The following CEP126 variants were observed in gnomAD, a reference collection of about 807,000 sequenced individuals.
CEP126 encodes centrosomal protein of 126 kDa.
A neutral mutation model predicts 107.8 loss-of-function variants in CEP126; 74 were observed. The observed-to-expected ratio is 0.69, with a 90% confidence interval of 0.57 to 0.83. CEP126 has a LOEUF of 0.83. CEP126 is among the 40% of genes least tolerant of loss of function. The pLI is 0.00. For synonymous variants in CEP126, 449 were observed against 446.0 expected, an observed-to-expected ratio of 1.01 and a Z score of -0.08; for missense variants, 1,237 against 1,281.9, an observed-to-expected ratio of 0.96 and a Z score of 0.53.
intron 6 of CEP126, among the ~76,000 whole-genome samples, chr11:101,975,725 T>A (rs1258695319): frequency 6.6e-6 from 1 of 152,204 alleles, no homozygotes; most frequent in Non-Finnish European, 1.5e-5. Context: ...TTTCCAGTCC[T>A]CACTGTCCTC....
chr11:101,997,751 T>A lies in CEP126; in HGVS notation c.*108T>A. 1 of 1,484,684 alleles carries A rather than the reference T, an allele frequency of 6.7e-7. No individual in the cohort carries two copies. Among genetic ancestry groups the A allele is most frequent in the Non-Finnish European group, 9.3e-7 (1 of 1,080,132 alleles). The allele number at this position is 1,484,684 out of a possible 1,614,324, so 92.0% of individuals were successfully genotyped here. On this transcript the variant is annotated 3_prime_UTR_variant, in exon 11 of 11. Coordinates refer to ENST00000263468, the MANE Select transcript of CEP126 (RefSeq NM_020802.4). ...GAAAACATGTGAGCAACAACCCCCA[T>A]GAACATTTGTCCTAACTCAGATTTT...
At chr11:101,938,924 G>T (rs12281520) in intron 2 of CEP126, among the ~76,000 whole-genome samples, 7 of 151,434 alleles carry the variant, frequency 4.6e-5, no homozygotes, top group East Asian at 1.9e-4. Context: ...AATGTGTTTT[G>T]GTCAAAAACA....
At position 101,962,399 on chromosome 11, in the gene CEP126, C is replaced by T; in HGVS notation, c.1364C>T (p.Ser455Leu). The change falls in exon 6 of 11, where the codon TCA becomes TTA. Residue 455 changes from serine (S) to leucine (L), a missense_variant. Around this residue, in one of 3 missense-constraint regions of CEP126, gnomAD observed 1,134 missense variants for 1,150.5 expected, o/e 0.99. Coordinates refer to ENST00000263468, the MANE Select transcript of CEP126 (RefSeq NM_020802.4). ...QENGTTSIPT[S>L]CVPVATPLVL... is the part of the protein sequence containing the mutation. ...AATGGAACTACTTCAATTCCTACTT[C>T]ATGTGTACCAGTGGCAACGCCTTTA... 1.2e-6 allele frequency: 2 copies of T among 1,613,960 alleles called. No homozygotes were observed. Among genetic ancestry groups the T allele is most frequent in the Non-Finnish European group, 1.7e-6 (2 of 1,179,912 alleles).
chr11:101,971,648 C>T (rs1231466612), intron 6 of CEP126, among the ~76,000 whole-genome samples: 7 of 152,096 alleles, frequency 4.6e-5, no homozygotes. Flanking sequence ...CCTCAGCCTC[C>T]CAAGAAGCTG....
rs920410812 is a variant in CEP126 at position 101,961,633 on chromosome 11, T to C, written c.706-108T>C. On this transcript the variant is annotated intron_variant, in intron 5 of 10. Coordinates refer to ENST00000263468, the MANE Select transcript of CEP126 (RefSeq NM_020802.4). ...ATACCTATGATGTTTATAGTCATAC[T>C]ACTCTATATGCAAGGAGAATTGGGC... The C allele has an allele frequency of 6.6e-6, 4 of 601,782 alleles. No individual in the cohort carries two copies. The Admixed American group carries it at 1.3e-4, about 20-fold the overall frequency. 37.3% of individuals were successfully genotyped at this position (601,782 alleles called of 1,614,324 possible). A position where few individuals can be genotyped will look rare whatever the true frequency, so the allele number is the denominator to read the frequency against.
In CEP126 at chr11:101,992,972, C is replaced by T. The variant is rs1391488065; in HGVS notation, c.3309+130C>T. ...GATTGGTTTATAGAGGTTTTCTCCT[C>T]AACTGGCTTTTTATTATAAGACTGT... On this transcript the variant is annotated intron_variant, in intron 10 of 10. Coordinates refer to ENST00000263468, the MANE Select transcript of CEP126 (RefSeq NM_020802.4). The T allele has an allele frequency of 4.3e-6, 4 of 927,584 alleles. No individual in the cohort carries two copies. In the Admixed American group the frequency reaches 1.3e-4, roughly 31 times the overall value. The allele number at this position is 927,584 out of a possible 1,614,324, so 57.5% of individuals were successfully genotyped here. A position where few individuals can be genotyped will look rare whatever the true frequency, so the allele number is the denominator to read the frequency against.
chr11:101,930,507 A>G (rs1940481457), intron 2 of CEP126, among the ~76,000 whole-genome samples: 2 of 152,186 alleles, frequency 1.3e-5, no homozygotes, highest in Non-Finnish European at 2.9e-5. Context: ...GTGCGGACCC[A>G]AAGAGTGACC....
intron 6 of CEP126, among the ~76,000 whole-genome samples, chr11:101,967,078 G>A (rs1941066372): frequency 7.0e-6 from 1 of 142,132 alleles, no homozygotes; most frequent in South Asian, 2.2e-4. Flanking sequence ...GACCAGGCTA[G>A]GGCGCAGTGG....
chr11:101,953,748 G>A (rs7122609), intron 4 of CEP126, among the ~76,000 whole-genome samples: 90,134 of 151,960 alleles, frequency 0.59, 27,517 homozygotes, highest in East Asian at 0.91. Context: ...GATAACAGTT[G>A]GGTTAAGAGA....
intron 1 of CEP126, among the ~76,000 whole-genome samples, chr11:101,918,263 C>T (rs969836522): frequency 6.6e-6 from 1 of 152,082 alleles, no homozygotes; most frequent in African/African-American, 2.4e-5. Context: ...GCCTGGGCAA[C>T]GTGGTGAAAC....
At chr11:101,982,779 C>A (rs1478325258) in intron 8 of CEP126, among the ~76,000 whole-genome samples, 1 of 152,126 alleles carries the variant, frequency 6.6e-6, no homozygotes, top group African/African-American at 2.4e-5. Context: ...TATCCCTAAT[C>A]CAAATATTTC....
chr11:101,967,271 C>T (rs1466798395), intron 6 of CEP126, among the ~76,000 whole-genome samples: 2 of 152,120 alleles, frequency 1.3e-5, no homozygotes, highest in Non-Finnish European at 2.9e-5. Flanking sequence ...CCCACTCAGT[C>T]TCCCAAAGTG....
At position 101,967,819 on chromosome 11, in the gene CEP126, A is replaced by G. The variant is rs141771361; in HGVS notation, c.2845+3939A>G. Among the ~76,000 whole-genome samples, 330 of 152,350 alleles carry G rather than the reference A, an allele frequency of 2.2e-3. 3 individuals are homozygous for G. The highest frequency in any genetic ancestry group is 7.6e-3 in the African/African-American group (318 of 41,590). On this transcript the variant is annotated intron_variant, in intron 6 of 10. Transcript: ENST00000263468. ...TAACAAAAGTATAGCAGAAATGGTA[A>G]TGACAAACATCAAACTCGGAATAGT...
In CEP126 at chr11:101,963,759, C is replaced by A; in HGVS notation, c.2724C>A (p.Thr908=). 6.2e-7 allele frequency: 1 copy of A among 1,613,968 alleles called. No homozygotes were observed. The highest frequency in any genetic ancestry group is 8.5e-7 in the Non-Finnish European group (1 of 1,179,978). Residue 908 remains threonine (T), a synonymous_variant, in exon 6 of 11, where the codon ACC becomes ACA. Coordinates refer to ENST00000263468, the MANE Select transcript of CEP126 (RefSeq NM_020802.4). ...VARQDATLYC[T]QRSPVCEESY... ...GGCAAGATGCGACATTATATTGCAC[C>A]CAAAGAAGTCCTGTTTGTGAAGAAA... is the stretch of plus-strand genomic sequence containing the variant.
chr11:101,925,734 A>G (rs1182938794), intron 2 of CEP126, among the ~76,000 whole-genome samples: 2 of 3,118 alleles, frequency 6.4e-4, no homozygotes, highest in African/African-American at 2.2e-3. Flanking sequence ...GCTCACCACT[A>G]TCTCCACCTC....
rs1591299894 is a variant in CEP126 at position 101,999,207 on chromosome 11, A to G, written c.*1564A>G. 6.6e-6 allele frequency: 1 copy of G among 152,130 alleles called. No individual in the cohort carries two copies. Among genetic ancestry groups the G allele is most frequent in the East Asian group, 1.9e-4 (1 of 5,204 alleles). The allele number at this position is 152,130 out of a possible 1,614,324, so 9.4% of individuals were successfully genotyped here. A position where few individuals can be genotyped will look rare whatever the true frequency, so the allele number is the denominator to read the frequency against. On this transcript the variant is annotated 3_prime_UTR_variant, in exon 11 of 11. Coordinates refer to ENST00000263468, the MANE Select transcript of CEP126 (RefSeq NM_020802.4). The stretch of plus-strand genomic sequence containing the variant: ...AATTCTGTGAATTAAGATGTAATTT[A>G]TAAAATAACATTTCAATGGGGGTAA...
At chr11:101,994,209 T>G (rs1941417109) in intron 10 of CEP126, among the ~76,000 whole-genome samples, 1 of 152,256 alleles carries the variant, frequency 6.6e-6, no homozygotes, top group Non-Finnish European at 1.5e-5. Flanking sequence ...CACTCCAGCC[T>G]GGGCAACAAG....
intron 4 of CEP126, chr11:101,956,277 C>T (rs773294168): frequency 4.4e-5 from 20 of 456,288 alleles, no homozygotes; most frequent in South Asian, 2.3e-4. Context: ...CTGGTTGTTT[C>T]CCCAACCCCT....
chr11:101,999,740 T>C lies in CEP126; in HGVS notation c.*2097T>C, dbSNP rs1178438655. 1 of 152,212 alleles carries C rather than the reference T, an allele frequency of 6.6e-6. No homozygotes were observed. The allele number at this position is 152,212 out of a possible 1,614,324, so 9.4% of individuals were successfully genotyped here. The stretch of plus-strand genomic sequence containing the variant: ...TGGAAGAGAATAACACTTTGCATGC[T>C]ATAAACGTGAAAACTAACATTTTTG... On this transcript the variant is annotated 3_prime_UTR_variant, in exon 11 of 11. Transcript: ENST00000263468.
Sources: gnomAD v4.1 joint callset for allele counts (sites outside exome capture counted in the v4.1 genomes callset) on GRCh38, gnomAD v4.1.1 for gene constraint, gnomAD v4.1.1 regional missense constraint, MANE v1.5 for transcripts, NCBI Gene and HGNC (gene_info 2026-07-23, HGNC 2026-07-21) for gene names.